Variants in GALNT14 observed in about 807,000 individuals in gnomAD.
GALNT14 encodes the protein UDP-GalNAc:polypeptide N-acetylgalactosaminyltransferase 14.
Under a neutral mutation model 77.5 loss-of-function variants are expected in GALNT14, and 60 were observed. The ratio of observed to expected loss-of-function variants is 0.77; its 90% CI spans 0.63 to 0.96. GALNT14 has a LOEUF of 0.96. GALNT14 is among the 40% of genes least tolerant of loss of function. The pLI, the probability that GALNT14 is intolerant of heterozygous loss-of-function variation, is 0.00. For missense variants in GALNT14, 710 were observed against 731.0 expected (o/e 0.97, Z 0.33); for synonymous variants, 280 against 281.7 (o/e 0.99, Z 0.06).
At chr2:30,924,882 C>A in intron 11 of GALNT14, 59 bp from the exon 12 acceptor site, 1 of 1,346,784 alleles carries the variant, frequency 7.4e-7, no homozygotes, top group Non-Finnish European at 1.1e-6. Flanking sequence ...CAGAGGCAGG[C>A]GCCAGCAACG....
intron 1 of GALNT14, among the ~76,000 whole-genome samples, chr2:31,039,033 C>T (rs1672937504): frequency 2.0e-5 from 3 of 152,166 alleles, no homozygotes; most frequent in African/African-American, 7.2e-5. Flanking sequence ...CGTGAGCCAC[C>T]GTGCCCAGCC....
chr2:31,030,211 A>G lies in GALNT14; in HGVS notation c.130-37204T>C, dbSNP rs549943308. On this transcript the variant is annotated intron_variant, in intron 1 of 14. Transcript: ENST00000349752. ...AGTGGACAGGTTAGGGATGAAGCCC[A>G]AGAAGATCTGTGGGGACTGGTGCCA... Among the ~76,000 whole-genome samples, 7 of 152,304 alleles carry G rather than the reference A, an allele frequency of 4.6e-5. No individual in the cohort carries two copies. The South Asian group carries it at 1.2e-3, about 27-fold the overall frequency.
chr2:31,003,317 G>A (rs12990027), intron 1 of GALNT14, among the ~76,000 whole-genome samples: 41,429 of 152,054 alleles, frequency 0.27, 5,786 homozygotes, highest in East Asian at 0.37. Flanking sequence ...GCAATTTCTC[G>A]CACCAAATGA....
chr2:31,066,234 C>T (rs915971271), intron 1 of GALNT14, among the ~76,000 whole-genome samples: 4 of 151,998 alleles, frequency 2.6e-5, no homozygotes, highest in African/African-American at 7.2e-5. Context: ...TGGTTGTAGG[C>T]CCCCCCAGAG....
intron 1 of GALNT14, chr2:31,114,841 A>T: frequency 1.4e-6 from 1 of 716,312 alleles, no homozygotes; most frequent in South Asian, 1.5e-5. Context: ...AGTCCCAAAG[A>T]TAAGGAGAAA....
rs184861589 is a variant in GALNT14 at position 30,945,800 on chromosome 2, G to T, written c.725C>A (p.Ala242Asp). The T allele has an allele frequency of 6.2e-7, 1 of 1,614,076 alleles. No individual in the cohort carries two copies. Among genetic ancestry groups the T allele is most frequent in the Non-Finnish European group, 8.5e-7 (1 of 1,179,940 alleles). The change falls in exon 7 of 15, where the codon GCC (alanine) becomes GAC (aspartate). Residue 242 changes from alanine to aspartate, a missense_variant. Coordinates refer to ENST00000349752, the MANE Select transcript of GALNT14 (RefSeq NM_024572.4). ...CAACTCACCCCCTCTGAGCTCCGAGGCAGACTCGATGTAGGTGAAGGTGTC... is the reference window on the plus strand; with the variant it reads ...CAACTCACCCCCTCTGAGCTCCGAGTCAGACTCGATGTAGGTGAAGGTGTC... ...NLDTFTYIES[A>D]SELRGGFDWS...
chr2:31,089,199 C>G (rs2886303), intron 1 of GALNT14, among the ~76,000 whole-genome samples: 68,331 of 151,922 alleles, frequency 0.45, 15,867 homozygotes, highest in African/African-American at 0.49. Context: ...CATTTGCAAT[C>G]TCAACTCGAG....
At chr2:30,963,153 C>A (rs1380902701) in intron 3 of GALNT14, among the ~76,000 whole-genome samples, 1 of 152,176 alleles carries the variant, frequency 6.6e-6, no homozygotes, top group Non-Finnish European at 1.5e-5. Flanking sequence ...GCTAAGTCGT[C>A]TGGCACGTCA....
intron 9 of GALNT14, among the ~76,000 whole-genome samples, chr2:30,933,758 C>T (rs11898882): frequency 0.87 from 132,260 of 152,282 alleles, 57,906 homozygotes; most frequent in East Asian, 1. Flanking sequence ...GGCCCAAGTC[C>T]GCAGTAACCA....
At chr2:31,095,550 A>C (rs10490520) in intron 1 of GALNT14, among the ~76,000 whole-genome samples, 7,206 of 152,080 alleles carry the variant, frequency 0.047, 306 homozygotes, top group African/African-American at 0.12. Context: ...CCTACTCATC[A>C]GGACACTAGA....
Position 31,089,116 on chromosome 2 carries a change from C to T in GALNT14, c.129+48842G>A, listed in dbSNP as rs141846004. ...TCCTTAAATGTCTTTCTAATTTTCT[C>T]TGTAGATCTAAACTCTAAGCCCCTC... is the stretch of plus-strand genomic sequence containing the variant. On this transcript the variant is annotated intron_variant, in intron 1 of 14. Coordinates refer to ENST00000349752, the MANE Select transcript of GALNT14 (RefSeq NM_024572.4). Among the ~76,000 whole-genome samples the T allele has an allele frequency of 1.5e-3, 225 of 152,258 alleles. 1 individual carries two copies. Among genetic ancestry groups the T allele is most frequent in the Middle Eastern group, 0.01 (3 of 294 alleles).
chr2:30,986,294 T>C (rs937800189), intron 2 of GALNT14, among the ~76,000 whole-genome samples: 1 of 152,190 alleles, frequency 6.6e-6, no homozygotes, highest in African/African-American at 2.4e-5. Flanking sequence ...GCTCACGAGC[T>C]CAGTCCACCC....
rs1243917758 is a variant in GALNT14, at chr2:30,910,892, C to A, written c.*9G>T. On this transcript the variant is annotated 3_prime_UTR_variant, in exon 15 of 15. Transcript: ENST00000349752. ...ACCCCATGGCCCTTGCTGCTTCTGG[C>A]AGGGGTCCTCAAGAGCTCACCATGT... is the stretch of plus-strand genomic sequence containing the variant. 5 of 1,613,016 alleles carry A rather than the reference C, an allele frequency of 3.1e-6. No homozygotes were observed. In the African/African-American group the frequency reaches 5.3e-5, roughly 17 times the overall value.
chr2:31,026,398 C>T (rs1478848175), intron 1 of GALNT14, among the ~76,000 whole-genome samples: 1 of 152,206 alleles, frequency 6.6e-6, no homozygotes, highest in African/African-American at 2.4e-5. Flanking sequence ...CTCCCTTACA[C>T]CCTCCTGTTG....
chr2:31,058,584 A>G lies in GALNT14; in HGVS notation c.130-65577T>C, dbSNP rs184843928. Among the ~76,000 whole-genome samples, 5 of 152,272 alleles carry G rather than the reference A, an allele frequency of 3.3e-5. No individual in the cohort carries two copies. The East Asian group carries it at 9.7e-4, about 29-fold the overall frequency. On this transcript the variant is annotated intron_variant, in intron 1 of 14. Coordinates refer to ENST00000349752, the MANE Select transcript of GALNT14 (RefSeq NM_024572.4). ...GGCCACTCCCCAGAAGAAGAAAGGAAGACGTCAGGTTGACCTCAGGAGAGA... is the reference window on the plus strand; with the variant it reads ...GGCCACTCCCCAGAAGAAGAAAGGAGGACGTCAGGTTGACCTCAGGAGAGA...
chr2:31,081,064 G>T lies in GALNT14; in HGVS notation c.129+56894C>A, dbSNP rs1003064433. Among the ~76,000 whole-genome samples the T allele has an allele frequency of 4.6e-5, 7 of 152,290 alleles. No homozygotes were observed. The East Asian group carries it at 1.3e-3, about 29-fold the overall frequency. The stretch of plus-strand genomic sequence containing the variant: ...GGCTGATAAGATGGAAGAGAAGCAT[G>T]CCCCTCCCTAACACATCCTTATCTA... On this transcript the variant is annotated intron_variant, in intron 1 of 14. Coordinates refer to ENST00000349752, the MANE Select transcript of GALNT14 (RefSeq NM_024572.4).
At chr2:30,952,144 G>C (rs1667066098) in intron 6 of GALNT14, among the ~76,000 whole-genome samples, 1 of 152,020 alleles carries the variant, frequency 6.6e-6, no homozygotes, top group Admixed American at 6.6e-5. Context: ...GAAAAAAGCA[G>C]AATACAAAAA....
At chr2:30,909,516 T>C (rs2148190235), downstream of GALNT14, among the ~76,000 whole-genome samples, 1 of 150,450 alleles carries the variant, frequency 6.6e-6, no homozygotes, top group African/African-American at 2.4e-5. Context: ...TGAGATACCA[T>C]CTCACACCAG....
chr2:31,111,702 C>A (rs1677844918), intron 1 of GALNT14, among the ~76,000 whole-genome samples: 1 of 152,142 alleles, frequency 6.6e-6, no homozygotes, highest in Non-Finnish European at 1.5e-5. Flanking sequence ...AGCTTTTTAC[C>A]TTTTAAAATA....
Sources: gnomAD v4.1 joint callset for allele counts (sites outside exome capture counted in the v4.1 genomes callset) on GRCh38, gnomAD v4.1.1 for gene constraint, MANE v1.5 for transcripts, NCBI Gene and HGNC (gene_info 2026-07-23, HGNC 2026-07-21) for gene names.